The following ZNF134 variants were observed in gnomAD, a reference collection of about 807,000 sequenced individuals.
ZNF134 encodes the protein zinc finger protein 134.
In ZNF134, 5 loss-of-function variants were observed where a neutral mutation model predicts 2.5. That is an observed-to-expected ratio of 2.03 (90% CI 1.06 to 4.27). The LOEUF (loss-of-function observed/expected upper bound fraction) is 4.27, where lower values mean the gene tolerates loss of function less well. ZNF134 is among the 30% of genes most tolerant of loss of function. The pLI is 0.00. For synonymous variants in ZNF134, 176 were observed against 176.2 expected, an observed-to-expected ratio of 1.00 and a Z score of 0.01; for missense variants, 540 against 517.5, an observed-to-expected ratio of 1.04 and a Z score of -0.42.
At chr19:57,619,180 C>CTG (rs1981128865) in intron 1 of ZNF134, among the ~76,000 whole-genome samples, 1 of 152,172 alleles carries the variant, frequency 6.6e-6, no homozygotes. Context: ...CATGACACCT[C>CTG]TGGACTCCAG....
rs1471006973 is a variant in ZNF134 at position 57,623,590 on chromosome 19, G to A, written c.*2187G>A. ...TTGAAATTAAGAGATTCATTGTTAG[G>A]AAAGATAGATGTTTTAGAGAGAGAG... On this transcript the variant is annotated 3_prime_UTR_variant, in exon 3 of 3. Coordinates refer to ENST00000396161, the MANE Select transcript of ZNF134 (RefSeq NM_003435.5). The A allele has an allele frequency of 6.6e-6, 1 of 152,070 alleles. No homozygotes were observed. The highest frequency in any genetic ancestry group is 1.5e-5 in the Non-Finnish European group (1 of 68,012). 9.4% of individuals were successfully genotyped at this position (152,070 alleles called of 1,614,324 possible).
At position 57,620,309 on chromosome 19, in the gene ZNF134, C is replaced by T. The variant is rs1171777401; in HGVS notation, c.190C>T (p.His64Tyr). The T allele has an allele frequency of 6.2e-7, 1 of 1,614,194 alleles. No homozygotes were observed. The change falls in exon 3 of 3, where the codon CAC becomes TAC. Residue 64 changes from histidine (H) to tyrosine (Y), a missense_variant. His to Tyr is a moderately conservative substitution (Grantham distance 83, BLOSUM62 2). Transcript: ENST00000396161. ...TGGCCCCATCTTGAAAGATATTTTGCACCTGGATGAACACCAGGGTACACA... is the reference window on the plus strand; with the variant it reads ...TGGCCCCATCTTGAAAGATATTTTGTACCTGGATGAACACCAGGGTACACA... Reference protein sequence around the residue: ...ICGPILKDILHLDEHQGTHHG... With the variant: ...ICGPILKDILYLDEHQGTHHG...
At chr19:57,619,311 C>G in intron 1 of ZNF134, 101 bp from the exon 2 acceptor site, 2 of 928,138 alleles carry the variant, frequency 2.2e-6, no homozygotes, top group South Asian at 1.5e-5. Flanking sequence ...TTCTGAGGTT[C>G]ATTTTGTAGC....
intron 1 of ZNF134, among the ~76,000 whole-genome samples, chr19:57,614,797 G>A (rs1262611692): frequency 2.0e-5 from 3 of 152,182 alleles, no homozygotes; most frequent in African/African-American, 7.2e-5. Context: ...AATGGTGGAG[G>A]GAAGGGATCC....
chr19:57,619,601 A>C lies in ZNF134; in HGVS notation c.40+93A>C, dbSNP rs753158960. On this transcript the variant is annotated intron_variant, in intron 2 of 2. Coordinates refer to ENST00000396161, the MANE Select transcript of ZNF134 (RefSeq NM_003435.5). Reference sequence around the variant, plus strand: ...TGCCCATCACAAGTGCCAAGGCCAGAGGCCCTAACTTATTTCTACCTTTTT... The same window carrying C: ...TGCCCATCACAAGTGCCAAGGCCAGCGGCCCTAACTTATTTCTACCTTTTT... 56 of 1,358,300 alleles carry C rather than the reference A, an allele frequency of 4.1e-5. No individual in the cohort carries two copies. Among genetic ancestry groups the C allele is most frequent in the Non-Finnish European group, 5.0e-6 (5 of 1,010,058 alleles). 84.1% of individuals were successfully genotyped at this position (1,358,300 alleles called of 1,614,324 possible). A position where few individuals can be genotyped will look rare whatever the true frequency, so the allele number is the denominator to read the frequency against.
chr19:57,620,420 A>C lies in ZNF134; in HGVS notation c.301A>C (p.Ser101Arg). The change falls in exon 3 of 3, where the codon AGT (serine) becomes CGT (arginine). Residue 101 changes from serine to arginine, a missense_variant. Ser to Arg is a moderately radical substitution (Grantham distance 110). Coordinates refer to ENST00000396161, the MANE Select transcript of ZNF134 (RefSeq NM_003435.5). ...ANLHQYQKCY[S>R]IEQPLRRDKS... ...CCTTCATCAGTACCAGAAGTGTTAC[A>C]GTATAGAGCAACCCTTAAGAAGGGA... 6.2e-7 allele frequency: 1 copy of C among 1,614,226 alleles called. No homozygotes were observed. Among genetic ancestry groups the C allele is most frequent in the South Asian group, 1.1e-5 (1 of 91,090 alleles).
In ZNF134 at chr19:57,614,457, G is replaced by C. The variant is rs1159176636; in HGVS notation, c.-104G>C. 5 of 431,492 alleles carry C rather than the reference G, an allele frequency of 1.2e-5. No homozygotes were observed. Among genetic ancestry groups the C allele is most frequent in the South Asian group, 8.1e-5 (5 of 61,918 alleles). 26.7% of individuals were successfully genotyped at this position (431,492 alleles called of 1,614,324 possible). ...TGGGACCCCCTCGCGGCTCCGGGTG[G>C]TCTACGAACTGTGATGGCGGCGGCC... On this transcript the variant is annotated 5_prime_UTR_variant, in exon 1 of 3. Transcript: ENST00000396161.
intron 2 of ZNF134, chr19:57,619,711 A>G: frequency 6.6e-6 from 4 of 608,844 alleles, no homozygotes; most frequent in South Asian, 6.5e-5. Context: ...GAGGGGCTCT[A>G]GTAGAGCAAT....
At chr19:57,616,789 C>T (rs1981063000) in intron 1 of ZNF134, among the ~76,000 whole-genome samples, 1 of 152,158 alleles carries the variant, frequency 6.6e-6, no homozygotes. Flanking sequence ...TGATTCCTAC[C>T]TAGATGAGAG....
chr19:57,615,630 C>G lies in ZNF134; in HGVS notation c.-58+1127C>G, dbSNP rs560572755. 1.1e-4 allele frequency among the ~76,000 whole-genome samples: 16 copies of G among 152,268 alleles called. No homozygotes were observed. The East Asian group carries it at 3.1e-3, about 29-fold the overall frequency. ...AGGGAAGGGGTTTTTATCTCTAACC[C>G]ATAGTCCCTACCTTCCTCTGTGTCA... is the stretch of plus-strand genomic sequence containing the variant. On this transcript the variant is annotated intron_variant, in intron 1 of 2. Transcript: ENST00000396161.
rs1980987484 is a variant in ZNF134, at chr19:57,614,306, G to A, written c.-255G>A. ...AGCAGAAGCTCGGGGTTGCTGGGCG[G>A]TTCCGAGGTGACGGAAGCGGGAGGG... On this transcript the variant is annotated 5_prime_UTR_variant, in exon 1 of 3. Coordinates refer to ENST00000396161, the MANE Select transcript of ZNF134 (RefSeq NM_003435.5). 1 of 453,110 alleles carries A rather than the reference G, an allele frequency of 2.2e-6. No homozygotes were observed. Among genetic ancestry groups the A allele is most frequent in the Non-Finnish European group, 4.4e-6 (1 of 225,650 alleles). The allele number at this position is 453,110 out of a possible 1,614,324, so 28.1% of individuals were successfully genotyped here. A position where few individuals can be genotyped will look rare whatever the true frequency, so the allele number is the denominator to read the frequency against.
In ZNF134 at chr19:57,620,779, C is replaced by G; in HGVS notation, c.660C>G (p.Val220=). 1 of 1,614,046 alleles carries G rather than the reference C, an allele frequency of 6.2e-7. No individual in the cohort carries two copies. Among genetic ancestry groups the G allele is most frequent in the African/African-American group, 1.3e-5 (1 of 74,988 alleles). ...CCTTCAGCCGCAAAGCTACACTTGT[C>G]CAGCATCAGAGAATCCATACTGGAG... ...GKAFSRKATL[V]QHQRIHTGER... Residue 220 remains valine, a synonymous_variant, in exon 3 of 3, where the codon GTC becomes GTG. Transcript: ENST00000396161.
Position 57,614,416 on chromosome 19 carries a change from C to T in ZNF134, c.-145C>T, listed in dbSNP as rs1051027393. The T allele has an allele frequency of 1.1e-5, 5 of 449,324 alleles. No individual in the cohort carries two copies. The Admixed American group carries it at 1.2e-4, about 11-fold the overall frequency. 27.8% of individuals were successfully genotyped at this position (449,324 alleles called of 1,614,324 possible). On this transcript the variant is annotated 5_prime_UTR_variant, in exon 1 of 3. Coordinates refer to ENST00000396161, the MANE Select transcript of ZNF134 (RefSeq NM_003435.5). The stretch of plus-strand genomic sequence containing the variant: ...CCCCCGGGGACGGACGACCGCGGTG[C>T]CAGGGTCCCGCGACCTGGGACCCCC...
At chr19:57,614,644 A>G in intron 1 of ZNF134, 141 bp downstream of exon 1, 1 of 319,650 alleles carries the variant, frequency 3.1e-6, no homozygotes, top group Non-Finnish European at 6.1e-6. Context: ...TGTGACTGGC[A>G]GAGGGGCAGC....
rs945618716 is a variant in ZNF134, at chr19:57,622,365, A to G, written c.*962A>G. ...GGCCACTGTTGGTAAGATCTAAAGC[A>G]TCCAGTAGGGAAACAAAATTGATAA... On this transcript the variant is annotated 3_prime_UTR_variant, in exon 3 of 3. Transcript: ENST00000396161. The G allele has an allele frequency of 6.6e-6, 1 of 152,242 alleles. No homozygotes were observed. The highest frequency in any genetic ancestry group is 2.4e-5 in the African/African-American group (1 of 41,446). The allele number at this position is 152,242 out of a possible 1,614,324, so 9.4% of individuals were successfully genotyped here. A position where few individuals can be genotyped will look rare whatever the true frequency, so the allele number is the denominator to read the frequency against.
chr19:57,620,738 A>T lies in ZNF134; in HGVS notation c.619A>T (p.Ser207Cys), dbSNP rs34034473. The change falls in exon 3 of 3, where the codon AGC becomes TGC. Residue 207 changes from serine (S) to cysteine (C), a missense_variant. Physicochemically the swap from Ser to Cys is moderately radical, Grantham distance 112 (BLOSUM62 -1). Transcript: ENST00000396161. ...TAGTGGAGAGAAGCCTTATGAGTGCAGCGAATGTGGGAAAGCCTTCAGCCG... is the reference window on the plus strand; with the variant it reads ...TAGTGGAGAGAAGCCTTATGAGTGCTGCGAATGTGGGAAAGCCTTCAGCCG... Reference protein sequence around the residue: ...IHSGEKPYECSECGKAFSRKA... With the variant: ...IHSGEKPYECCECGKAFSRKA... 6.2e-7 allele frequency: 1 copy of T among 1,614,138 alleles called. No individual in the cohort carries two copies. The highest frequency in any genetic ancestry group is 8.5e-7 in the Non-Finnish European group (1 of 1,179,996).
chr19:57,615,871 T>G (rs1981038225), intron 1 of ZNF134, among the ~76,000 whole-genome samples: 1 of 152,192 alleles, frequency 6.6e-6, no homozygotes, highest in East Asian at 1.9e-4. Context: ...GAAGGTTGTT[T>G]ATAGTAACTA....
chr19:57,619,168 C>T (rs1981127988), intron 1 of ZNF134, among the ~76,000 whole-genome samples: 2 of 152,140 alleles, frequency 1.3e-5, no homozygotes, highest in South Asian at 4.1e-4. Context: ...ACTGTCCACA[C>T]TCATGACACC....
chr19:57,617,477 T>C (rs540090835), intron 1 of ZNF134, among the ~76,000 whole-genome samples: 4 of 152,250 alleles, frequency 2.6e-5, no homozygotes, highest in African/African-American at 7.2e-5. Flanking sequence ...TGAGAAGATA[T>C]AAAGATGCCA....
Sources: allele counts gnomAD v4.1 joint callset (sites outside exome capture counted in the v4.1 genomes callset), GRCh38; gene constraint gnomAD v4.1.1; transcripts MANE v1.5; gene names NCBI Gene and HGNC (gene_info 2026-07-23, HGNC 2026-07-21).